The following CREB3L2 variants were observed in gnomAD, a reference collection of about 807,000 sequenced individuals.
The protein encoded by CREB3L2 is cyclic AMP-responsive element-binding protein 3-like protein 2.
Under a neutral mutation model 57.2 loss-of-function variants are expected in CREB3L2, and 23 were observed. The ratio of observed to expected loss-of-function variants is 0.40; its 90% CI spans 0.29 to 0.57. The LOEUF is 0.57. Ranked by LOEUF, CREB3L2 falls within the 20% of genes least tolerant of loss-of-function variation. CREB3L2 has a pLI of 0.42. For synonymous variants in CREB3L2, 268 were observed against 265.1 expected, an observed-to-expected ratio of 1.01 and a Z score of -0.11; for missense variants, 628 against 634.7, an observed-to-expected ratio of 0.99 and a Z score of 0.11.
At chr7:137,969,396 G>C (rs1224123749) in intron 1 of CREB3L2, among the ~76,000 whole-genome samples, 1 of 146,370 alleles carries the variant, frequency 6.8e-6, no homozygotes, top group African/African-American at 2.6e-5. Flanking sequence ...GCCCAGGCTG[G>C]AGTGCAATGG....
intron 3 of CREB3L2, among the ~76,000 whole-genome samples, chr7:137,915,557 T>C (rs1381768382): frequency 2.6e-5 from 4 of 152,252 alleles, no homozygotes; most frequent in South Asian, 4.2e-4. Context: ...TTTTTTACCA[T>C]AGATATTTTC....
chr7:137,896,590 C>T (rs541862542), intron 8 of CREB3L2, among the ~76,000 whole-genome samples: 49 of 152,244 alleles, frequency 3.2e-4, no homozygotes, highest in African/African-American at 9.1e-4. Context: ...TGTGAGCCAC[C>T]GCGCCAGGTC....
At chr7:137,883,582 CAATAAT>C (rs916092674) in intron 10 of CREB3L2, among the ~76,000 whole-genome samples, 2 of 152,042 alleles carry the variant, frequency 1.3e-5, no homozygotes, top group Non-Finnish European at 2.9e-5. Context: ...AAGAAATTAA[CAATAAT>C]AATAAAATAG....
At chr7:137,958,863 T>C (rs1801266877) in intron 1 of CREB3L2, among the ~76,000 whole-genome samples, 2 of 152,220 alleles carry the variant, frequency 1.3e-5, no homozygotes, top group Non-Finnish European at 2.9e-5. Flanking sequence ...GAAGGTCCAG[T>C]GCAGTCAGGA....
At chr7:137,957,008 C>G (rs935113100) in intron 1 of CREB3L2, among the ~76,000 whole-genome samples, 5 of 152,152 alleles carry the variant, frequency 3.3e-5, no homozygotes, top group African/African-American at 4.8e-5. Flanking sequence ...CCCCCACCCC[C>G]CAGTGTACAT....
chr7:137,972,744 G>T (rs1421560846), intron 1 of CREB3L2, among the ~76,000 whole-genome samples: 1,610 of 42,860 alleles, frequency 0.038, 14 homozygotes, highest in East Asian at 0.073. Context: ...TATAGAGAGA[G>T]AGAGAGAGAG....
chr7:137,885,157 G>A, intron 9 of CREB3L2, 36 bp from the exon 10 acceptor site: 2 of 1,610,612 alleles, frequency 1.2e-6, no homozygotes, highest in Non-Finnish European at 1.7e-6. Flanking sequence ...GAACACGAGG[G>A]GCTGTGGACT....
At chr7:137,928,037 A>C in intron 2 of CREB3L2, 113 bp downstream of exon 2, 1 of 805,182 alleles carries the variant, frequency 1.2e-6, no homozygotes, top group Non-Finnish European at 2.1e-6. Context: ...CACTGTAGGT[A>C]TCTCACTAAT....
chr7:137,922,453 T>TATATATACAC (rs1554498063), intron 2 of CREB3L2: 3 of 72,574 alleles, frequency 4.1e-5, no homozygotes, highest in African/African-American at 1.9e-4. Context: ...TATATATATA[T>TATATATACAC]ACACACATAT....
chr7:137,975,727 A>G (rs1467963924), intron 1 of CREB3L2, among the ~76,000 whole-genome samples: 2 of 152,244 alleles, frequency 1.3e-5, no homozygotes, highest in Non-Finnish European at 2.9e-5. Flanking sequence ...ACTAAATTTA[A>G]AAATTAAAAA....
chr7:137,935,797 C>A (rs922911540), intron 1 of CREB3L2: 13 of 155,768 alleles, frequency 8.3e-5, no homozygotes, highest in East Asian at 3.8e-4. Flanking sequence ...AAATGTATAT[C>A]CAAATTTACA....
intron 1 of CREB3L2, among the ~76,000 whole-genome samples, chr7:137,982,615 A>T (rs1801730067): frequency 6.6e-6 from 1 of 152,184 alleles, no homozygotes; most frequent in Non-Finnish European, 1.5e-5. Flanking sequence ...GCTTGCCACC[A>T]TGTAAGATGT....
rs566652534 is a variant in CREB3L2, at chr7:137,905,805, T to C, written c.812A>G (p.Lys271Arg). ...SGPLVLTEEE[K>R]RTLIAEGYPI... ...ATAGCCCTCAGCGATCAGGGTCCTC[T>C]TCTCCTCCTCTGTCAGGACCAGAGG... The change falls in exon 6 of 12, where the codon AAG becomes AGG. Residue 271 changes from lysine to arginine, a missense_variant. By Grantham distance (26) the Lys-to-Arg change is conservative (BLOSUM62 2). Coordinates refer to ENST00000330387, the MANE Select transcript of CREB3L2 (RefSeq NM_194071.4). 6 of 1,614,168 alleles carry C rather than the reference T, an allele frequency of 3.7e-6. No homozygotes were observed. In the South Asian group the frequency reaches 6.6e-5, roughly 18 times the overall value.
intron 5 of CREB3L2, among the ~76,000 whole-genome samples, chr7:137,906,881 T>C (rs886999827): frequency 6.6e-6 from 1 of 152,222 alleles, no homozygotes; most frequent in Admixed American, 6.5e-5. Context: ...ATTGTGAGGT[T>C]TCCCTAGCCA....
At chr7:137,937,977 T>A (rs1030684744) in intron 1 of CREB3L2, among the ~76,000 whole-genome samples, 2 of 151,962 alleles carry the variant, frequency 1.3e-5, no homozygotes, top group African/African-American at 4.8e-5. Context: ...TATAAATCCA[T>A]TGGTAGGGTA....
Position 137,980,259 on chromosome 7 carries a change from A to G in CREB3L2, c.102+21345T>C, listed in dbSNP as rs774983863. Among the ~76,000 whole-genome samples the G allele has an allele frequency of 6.6e-6, 1 of 152,224 alleles. No individual in the cohort carries two copies. The highest frequency in any genetic ancestry group is 1.5e-5 in the Non-Finnish European group (1 of 68,042). On this transcript the variant is annotated intron_variant, in intron 1 of 11. Coordinates refer to ENST00000330387, the MANE Select transcript of CREB3L2 (RefSeq NM_194071.4). The surrounding 1 kb of genome is among the most constrained non-coding windows in gnomAD (Gnocchi z 4.3). ...TTAAAATGCCTGATGCCCAGGCCTC[A>G]TCCCAGAACCAATTAAATCAGAATC... is the stretch of plus-strand genomic sequence containing the variant.
At chr7:137,928,081 A>T in intron 2 of CREB3L2, 69 bp downstream of exon 2, 1 of 1,192,658 alleles carries the variant, frequency 8.4e-7, no homozygotes, top group South Asian at 1.3e-5. Context: ...TATAATACAC[A>T]CTCCACACCC....
intron 1 of CREB3L2, among the ~76,000 whole-genome samples, chr7:137,979,513 C>A (rs1801674533): frequency 6.6e-6 from 1 of 152,148 alleles, no homozygotes; most frequent in Admixed American, 6.5e-5. Flanking sequence ...ATCACGAGGT[C>A]AGGAGATCGA....
At chr7:137,909,414 C>T (rs73729518) in intron 4 of CREB3L2, among the ~76,000 whole-genome samples, 8,111 of 152,248 alleles carry the variant, frequency 0.053, 453 homozygotes, top group African/African-American at 0.15. Flanking sequence ...CAGGCTTCCA[C>T]GTGAATGAAA....
Sources: gnomAD v4.1 joint callset for allele counts (sites outside exome capture counted in the v4.1 genomes callset) on GRCh38, gnomAD v4.1.1 for gene constraint, Gnocchi (gnomAD v3.1) non-coding constraint, MANE v1.5 for transcripts, NCBI Gene and HGNC (gene_info 2026-07-23, HGNC 2026-07-21) for gene names.